CSMD3: variants seen among roughly 807,000 people sequenced by gnomAD.
CSMD3 encodes the protein CUB and Sushi multiple domains 3.
Under a neutral mutation model 435.2 loss-of-function variants are expected in CSMD3, and 177 were observed. The observed-to-expected ratio is 0.41, with a 90% CI of 0.36 to 0.46. The LOEUF (loss-of-function observed/expected upper bound fraction) is 0.46, where lower values mean the gene tolerates loss of function less well. Among genes scored for constraint, CSMD3 ranks in the 20% least tolerant of loss-of-function variants. CSMD3 has a pLI of 0.34. For missense variants in CSMD3, 4,265 were observed against 4,504.6 expected, an observed-to-expected ratio of 0.95 and a Z score of 1.52; for synonymous variants, 1,656 against 1,520.5, an observed-to-expected ratio of 1.09 and a Z score of -2.07.
chr8:112,694,481 AGAGT>A (rs921717859), intron 13 of CSMD3, among the ~76,000 whole-genome samples: 135 of 152,282 alleles, frequency 8.9e-4, no homozygotes, highest in African/African-American at 3.0e-3. Context: ...TTTAGTGTTG[AGAGT>A]GAGTGTTAAT....
At chr8:112,789,364 G>T (rs531923363) in intron 13 of CSMD3, among the ~76,000 whole-genome samples, 91 of 152,112 alleles carry the variant, frequency 6.0e-4, no homozygotes, top group African/African-American at 2.1e-3. Context: ...CAAAAGAAAT[G>T]CAGAGACTAC....
chr8:113,171,298 A>G (rs561962563), intron 4 of CSMD3, among the ~76,000 whole-genome samples: 3 of 152,070 alleles, frequency 2.0e-5, no homozygotes, highest in Non-Finnish European at 4.4e-5. Context: ...AGCTTCCAAA[A>G]TAATTCAATT....
chr8:112,733,661 T>C (rs16884001), intron 13 of CSMD3, among the ~76,000 whole-genome samples: 3,794 of 152,082 alleles, frequency 0.025, 80 homozygotes, highest in East Asian at 0.074. Context: ...TTATTAAACA[T>C]TGTATTTTGA....
chr8:113,120,155 C>G lies in CSMD3; in HGVS notation c.710-21192G>C, dbSNP rs150738618. 5.9e-3 allele frequency among the ~76,000 whole-genome samples: 894 copies of G among 152,062 alleles called. 4 individuals carry two copies. The highest frequency in any genetic ancestry group is 0.019 in the African/African-American group (797 of 41,532). On this transcript the variant is annotated intron_variant, in intron 4 of 70. Coordinates refer to ENST00000297405, the MANE Select transcript of CSMD3 (RefSeq NM_198123.2). Reference sequence around the variant, plus strand: ...AGAAATGAGGTTATAATGAATTCATCTACAATCTGCTTCAAGTATCAGGAC... The same window carrying G: ...AGAAATGAGGTTATAATGAATTCATGTACAATCTGCTTCAAGTATCAGGAC...
At chr8:112,234,057 CA>C (rs1190135334) in intron 68 of CSMD3, among the ~76,000 whole-genome samples, 2 of 151,292 alleles carry the variant, frequency 1.3e-5, no homozygotes, top group Non-Finnish European at 2.9e-5. Flanking sequence ...TTGATGAAAT[CA>C]GTGAAAAACT....
rs577380222 is a variant in CSMD3, at chr8:112,437,877, G to A, written c.5396-28845C>T. Among the ~76,000 whole-genome samples the A allele has an allele frequency of 8.5e-5, 13 of 152,114 alleles. No individual in the cohort carries two copies. In the East Asian group the frequency reaches 1.2e-3, roughly 14 times the overall value. The stretch of plus-strand genomic sequence containing the variant: ...TCCTCTACCTTCAATTAACTTATAC[G>A]TCAGCGATGTCTCTCTCCTTTCCCT... On this transcript the variant is annotated intron_variant, in intron 32 of 70. Transcript: ENST00000297405.
intron 49 of CSMD3, 50 bp downstream of exon 49, chr8:112,313,856 A>G (rs780298036): frequency 2.1e-6 from 3 of 1,415,576 alleles, no homozygotes; most frequent in African/African-American, 2.8e-5. Flanking sequence ...AATCATAATC[A>G]TACCGAAGAT....
chr8:113,067,653 T>C (rs543360899), intron 5 of CSMD3, among the ~76,000 whole-genome samples: 6 of 152,248 alleles, frequency 3.9e-5, no homozygotes, highest in Non-Finnish European at 7.4e-5. Context: ...AAAATATTTA[T>C]AAGTTGACGG....
intron 1 of CSMD3, among the ~76,000 whole-genome samples, chr8:113,378,296 T>C (rs2094398451): frequency 6.6e-6 from 1 of 152,200 alleles, no homozygotes; most frequent in African/African-American, 2.4e-5. Flanking sequence ...ACGTATCCAA[T>C]GCCTCCTCAG....
At chr8:112,884,576 G>A (rs1378695721) in intron 10 of CSMD3, among the ~76,000 whole-genome samples, 1 of 151,722 alleles carries the variant, frequency 6.6e-6, no homozygotes, top group African/African-American at 2.4e-5. Flanking sequence ...TTGAGGGGGA[G>A]TTGTGACAAT....
intron 25 of CSMD3, among the ~76,000 whole-genome samples, chr8:112,555,576 C>T (rs1276060801): frequency 1.3e-5 from 2 of 151,792 alleles, no homozygotes; most frequent in African/African-American, 2.4e-5. Flanking sequence ...ATTCAGATGC[C>T]GTCTGAAAAG....
intron 1 of CSMD3, among the ~76,000 whole-genome samples, chr8:113,408,644 C>G (rs1401610615): frequency 6.6e-6 from 1 of 150,984 alleles, no homozygotes; most frequent in Admixed American, 6.6e-5. Flanking sequence ...TACATTTCCA[C>G]GTGACAAGGA....
chr8:113,164,793 A>G (rs747005185), intron 4 of CSMD3, among the ~76,000 whole-genome samples: 25 of 152,138 alleles, frequency 1.6e-4, no homozygotes, highest in Admixed American at 2.6e-4. Flanking sequence ...AACAAGACCA[A>G]AAGTGTACAA....
At chr8:112,745,770 C>T (rs999285699) in intron 13 of CSMD3, among the ~76,000 whole-genome samples, 4 of 151,204 alleles carry the variant, frequency 2.6e-5, no homozygotes, top group Non-Finnish European at 5.9e-5. Flanking sequence ...GACTATAATG[C>T]TTACTAATAC....
At chr8:112,866,503 C>T (rs562220091) in intron 10 of CSMD3, among the ~76,000 whole-genome samples, 96 of 152,200 alleles carry the variant, frequency 6.3e-4, no homozygotes, top group Non-Finnish European at 1.2e-3. Flanking sequence ...AAACTGTTTG[C>T]TGACATATGT....
At chr8:112,281,750 T>G (rs1818669156) in intron 58 of CSMD3, among the ~76,000 whole-genome samples, 1 of 152,138 alleles carries the variant, frequency 6.6e-6, no homozygotes, top group African/African-American at 2.4e-5. Flanking sequence ...AGAGATTTAT[T>G]ACATTTATAT....
chr8:112,872,020 A>G (rs1472101217), intron 10 of CSMD3, among the ~76,000 whole-genome samples: 1 of 152,010 alleles, frequency 6.6e-6, no homozygotes, highest in Non-Finnish European at 1.5e-5. Flanking sequence ...TGAATTATTG[A>G]TCTATCAAAG....
chr8:113,010,715 T>C (rs1406040208), intron 6 of CSMD3, among the ~76,000 whole-genome samples: 3 of 151,668 alleles, frequency 2.0e-5, no homozygotes, highest in African/African-American at 7.2e-5. Flanking sequence ...TAAATAAATA[T>C]ACAAACAAAC....
chr8:113,099,124 T>C (rs182156445), intron 4 of CSMD3, among the ~76,000 whole-genome samples, 161 bp from the exon 5 acceptor site: 1 of 151,890 alleles, frequency 6.6e-6, no homozygotes, highest in African/African-American at 2.4e-5. Context: ...GAGAATTTTA[T>C]GAAAAAATGT....
Sources: allele counts gnomAD v4.1 joint callset (sites outside exome capture counted in the v4.1 genomes callset), GRCh38; gene constraint gnomAD v4.1.1; transcripts MANE v1.5; gene names NCBI Gene and HGNC (gene_info 2026-07-23, HGNC 2026-07-21).